TBCEL: variants seen among roughly 807,000 people sequenced by gnomAD.
The protein encoded by TBCEL is tubulin folding cofactor E like, also known as tubulin-specific chaperone cofactor E-like protein.
Under a neutral mutation model 44.2 loss-of-function variants are expected in TBCEL, and 15 were observed. That is an observed-to-expected ratio of 0.34 (90% confidence interval 0.23 to 0.52). The LOEUF (loss-of-function observed/expected upper bound fraction) is 0.52. Ranked by LOEUF, TBCEL falls within the 20% of genes least tolerant of loss-of-function variation. The pLI, the probability that TBCEL is intolerant of heterozygous loss-of-function variation, is 0.95. For synonymous variants in TBCEL, 171 were observed against 185.4 expected (o/e 0.92, Z 0.63); for missense variants, 319 against 506.3 (o/e 0.63, Z 3.55).
chr11:121,060,927 T>C (rs954062564), intron 8 of TBCEL, among the ~76,000 whole-genome samples: 4 of 152,038 alleles, frequency 2.6e-5, no homozygotes, highest in African/African-American at 9.7e-5. Flanking sequence ...TCTGTGGTTC[T>C]AATTCATTCT....
At chr11:121,030,554 G>C (rs1417085389) in intron 1 of TBCEL, among the ~76,000 whole-genome samples, 1 of 152,144 alleles carries the variant, frequency 6.6e-6, no homozygotes, top group Non-Finnish European at 1.5e-5. Flanking sequence ...GCAAAATTGG[G>C]ATATTTTGGA....
At chr11:121,033,948 A>AT (rs1454477069) in intron 1 of TBCEL, among the ~76,000 whole-genome samples, 2 of 151,466 alleles carry the variant, frequency 1.3e-5, no homozygotes, top group African/African-American at 2.4e-5. Flanking sequence ...CAAGGTTTAT[A>AT]TATGTTGTAG....
intron 1 of TBCEL, among the ~76,000 whole-genome samples, chr11:121,030,717 C>G (rs1945127239): frequency 6.6e-6 from 1 of 152,152 alleles, no homozygotes; most frequent in African/African-American, 2.4e-5. Flanking sequence ...TCATACTATC[C>G]ACTAAGGATA....
intron 4 of TBCEL, among the ~76,000 whole-genome samples, chr11:121,050,209 G>A (rs574499408): frequency 2.0e-5 from 3 of 151,718 alleles, no homozygotes; most frequent in South Asian, 2.1e-4. Context: ...TTCATAGGTC[G>A]CCTGTTTTAG....
At chr11:121,077,745 A>G (rs755840249) in intron 8 of TBCEL, among the ~76,000 whole-genome samples, 4 of 151,998 alleles carry the variant, frequency 2.6e-5, no homozygotes, top group African/African-American at 7.2e-5. Context: ...ATTTAATTCT[A>G]TAAATTTTCC....
In TBCEL at chr11:121,087,580, C is replaced by CG. The variant is rs527612271; in HGVS notation, c.*484_*485insG. The stretch of plus-strand genomic sequence containing the variant: ...CTCCTTGGCTTTTTTGGTTCAGTTC[C>CG]ATTTTTTTTTCATTTTGACATGTGG... On this transcript the variant is annotated 3_prime_UTR_variant, in exon 9 of 9. Transcript: ENST00000683345. The CG allele has an allele frequency of 0.017, 2,575 of 153,984 alleles. 72 individuals are homozygous for CG. The highest frequency in any genetic ancestry group is 0.059 in the African/African-American group (2,442 of 41,514). 9.5% of individuals were successfully genotyped at this position (153,984 alleles called of 1,614,324 possible).
chr11:121,032,265 T>C (rs1049546581), intron 1 of TBCEL, among the ~76,000 whole-genome samples: 3 of 152,242 alleles, frequency 2.0e-5, no homozygotes, highest in Admixed American at 1.3e-4. Flanking sequence ...TTCTGGGCTC[T>C]GTTCTCTGTT....
rs118089103 is a variant in TBCEL, at chr11:121,071,254, C to T, written c.956+11169C>T. 3.4e-3 allele frequency among the ~76,000 whole-genome samples: 525 copies of T among 152,174 alleles called. 3 individuals are homozygous for T. Among genetic ancestry groups the T allele is most frequent in the Non-Finnish European group, 2.3e-3 (159 of 68,010 alleles). ...TTGAATCTAAATTGCTTCTTTAGTG[C>T]TTACCTAATACACAGTCATCCTCTT... On this transcript the variant is annotated intron_variant, in intron 8 of 8. Coordinates refer to ENST00000683345, the MANE Select transcript of TBCEL (RefSeq NM_001363644.2).
intron 1 of TBCEL, among the ~76,000 whole-genome samples, chr11:121,027,314 A>G (rs980835600): frequency 1.3e-5 from 2 of 152,178 alleles, no homozygotes; most frequent in Non-Finnish European, 2.9e-5. Flanking sequence ...CATGCTACCC[A>G]TTCTGACTTA....
intron 2 of TBCEL, among the ~76,000 whole-genome samples, chr11:121,038,215 C>T (rs2134897481): frequency 6.6e-6 from 1 of 152,314 alleles, no homozygotes; most frequent in Admixed American, 6.5e-5. Context: ...CCACCTGCCT[C>T]AGCCTCCCAA....
chr11:121,059,636 T>A (rs1945683844), intron 7 of TBCEL, among the ~76,000 whole-genome samples: 1 of 152,022 alleles, frequency 6.6e-6, no homozygotes, highest in Admixed American at 6.6e-5. Flanking sequence ...TGTGTTTAAT[T>A]TTTATTTTTT....
At chr11:121,051,503 GAA>G (rs1945528432) in intron 4 of TBCEL, among the ~76,000 whole-genome samples, 1 of 151,686 alleles carries the variant, frequency 6.6e-6, no homozygotes, top group Admixed American at 6.6e-5. Flanking sequence ...TCTTCTGTAT[GAA>G]AGTTCTTCGT....
chr11:121,031,201 A>G (rs1945136844), intron 1 of TBCEL, among the ~76,000 whole-genome samples: 1 of 152,184 alleles, frequency 6.6e-6, no homozygotes, highest in South Asian at 2.1e-4. Context: ...TAGAGTTTAT[A>G]CTGAGAAGTG....
intron 2 of TBCEL, among the ~76,000 whole-genome samples, chr11:121,043,148 T>C (rs1030199668): frequency 1.8e-4 from 28 of 152,002 alleles, no homozygotes; most frequent in African/African-American, 6.1e-4. Flanking sequence ...AAAACTATTA[T>C]GTAGTCAGAA....
chr11:121,062,818 CTTG>C (rs1945748644), intron 8 of TBCEL, among the ~76,000 whole-genome samples: 1 of 152,148 alleles, frequency 6.6e-6, no homozygotes, highest in African/African-American at 2.4e-5. Flanking sequence ...AGTTTGAACT[CTTG>C]TTGTGCTTCA....
intron 1 of TBCEL, among the ~76,000 whole-genome samples, chr11:121,026,111 A>C (rs1368917142): frequency 6.6e-6 from 1 of 152,218 alleles, no homozygotes; most frequent in East Asian, 1.9e-4. Context: ...TTTTTGCTAC[A>C]TGATGAAAAA....
At chr11:121,033,881 A>G (rs1179812989) in intron 1 of TBCEL, among the ~76,000 whole-genome samples, 1 of 151,508 alleles carries the variant, frequency 6.6e-6, no homozygotes, top group Non-Finnish European at 1.5e-5. Flanking sequence ...TAGTTACCCC[A>G]TGTAAGTGGA....
intron 8 of TBCEL, among the ~76,000 whole-genome samples, chr11:121,072,279 CTT>C (rs972735039): frequency 2.6e-5 from 4 of 152,098 alleles, no homozygotes; most frequent in African/African-American, 9.7e-5. Flanking sequence ...AGGAAATTTT[CTT>C]TGCTGTCTGA....
chr11:121,033,940 A>G (rs1945187282), intron 1 of TBCEL, among the ~76,000 whole-genome samples: 1 of 131,540 alleles, frequency 7.6e-6, no homozygotes, highest in African/African-American at 2.5e-5. Context: ...CATGTCTTCA[A>G]GGTTTATATA....
Sources: gnomAD v4.1 joint callset for allele counts (sites outside exome capture counted in the v4.1 genomes callset) on GRCh38, gnomAD v4.1.1 for gene constraint, MANE v1.5 for transcripts, NCBI Gene and HGNC (gene_info 2026-07-23, HGNC 2026-07-21) for gene names.